Variants in RC3H2 observed in about 807,000 individuals in gnomAD.
RC3H2 encodes roquin-2.
In RC3H2, 31 loss-of-function variants were observed where a neutral mutation model predicts 133.3. The ratio of observed to expected loss-of-function variants is 0.23; its 90% CI spans 0.17 to 0.31. RC3H2 has a LOEUF of 0.31. Ranked by LOEUF, RC3H2 falls within the 10% of genes least tolerant of loss-of-function variation. The pLI, the probability that RC3H2 is intolerant of heterozygous loss-of-function variation, is 1.00. For synonymous variants in RC3H2, 517 were observed against 502.2 expected (o/e 1.03, Z -0.40); for missense variants, 1,175 against 1,437.2 (o/e 0.82, Z 2.95).
At chr9:122,857,792 A>G in intron 13 of RC3H2, 131 bp downstream of exon 13, 1 of 712,956 alleles carries the variant, frequency 1.4e-6, no homozygotes, top group East Asian at 2.7e-5. Flanking sequence ...TTCAGTGTTT[A>G]TTGAACTAAA....
At chr9:122,855,681 A>T in intron 14 of RC3H2, 51 bp downstream of exon 14, 1 of 1,562,638 alleles carries the variant, frequency 6.4e-7, no homozygotes, top group Non-Finnish European at 8.7e-7. Flanking sequence ...AACATGAGTG[A>T]ACATGCATCA....
Position 122,858,863 on chromosome 9 carries a change from T to C in RC3H2, c.2089A>G (p.Ser697Gly). ...PSGMYAPVYDSRRIWRPPMYQ... is the reference protein window; with the variant it reads ...PSGMYAPVYDGRRIWRPPMYQ... ...ATAGGTGGGCGCCAGATGCGCCTGC[T>C]GTCGTACACAGGAGCATACATTCCA... Residue 697 changes from serine (S) to glycine (G), a missense_variant, in exon 12 of 21, where the codon AGC becomes GGC. Ser to Gly is a moderately conservative substitution (Grantham distance 56). This residue lies in a region of RC3H2 where 490 missense variants were observed against 492.8 expected (regional missense o/e 0.99). Coordinates refer to ENST00000357244, the MANE Select transcript of RC3H2 (RefSeq NM_001100588.3). 1.2e-6 allele frequency: 2 copies of C among 1,614,280 alleles called. No homozygotes were observed. Among genetic ancestry groups the C allele is most frequent in the Non-Finnish European group, 1.7e-6 (2 of 1,180,050 alleles).
In RC3H2 at chr9:122,846,569, A is replaced by T. The variant is rs1829872640; in HGVS notation, c.*3058T>A. The T allele has an allele frequency of 6.6e-6, 1 of 152,210 alleles. No individual in the cohort carries two copies. Among genetic ancestry groups the T allele is most frequent in the Non-Finnish European group, 1.5e-5 (1 of 68,012 alleles). 9.4% of individuals were successfully genotyped at this position (152,210 alleles called of 1,614,324 possible). A position where few individuals can be genotyped will look rare whatever the true frequency, so the allele number is the denominator to read the frequency against. ...TGCGGCACATGGATTTCAGAATGGA[A>T]CTTAGAAATTAAAAAACAAAAACAC... On this transcript the variant is annotated 3_prime_UTR_variant, in exon 21 of 21. Coordinates refer to ENST00000357244, the MANE Select transcript of RC3H2 (RefSeq NM_001100588.3).
intron 3 of RC3H2, among the ~76,000 whole-genome samples, chr9:122,891,755 AC>A (rs1832186018): frequency 6.6e-6 from 1 of 152,244 alleles, no homozygotes; most frequent in Non-Finnish European, 1.5e-5. Flanking sequence ...ATGGCCACAT[AC>A]ACAACAGTGC....
intron 1 of RC3H2, among the ~76,000 whole-genome samples, chr9:122,900,182 A>C (rs1484879794): frequency 6.6e-6 from 1 of 152,204 alleles, no homozygotes; most frequent in Non-Finnish European, 1.5e-5. Context: ...TAACATAATT[A>C]ATACTGAGAA....
intron 4 of RC3H2, among the ~76,000 whole-genome samples, chr9:122,885,230 C>T (rs1055256101): frequency 6.6e-6 from 1 of 152,110 alleles, no homozygotes; most frequent in Non-Finnish European, 1.5e-5. Flanking sequence ...AAGCAACCTA[C>T]TCTCAAATGG....
chr9:122,874,486 T>G (rs1831247697), intron 9 of RC3H2: 1 of 151,722 alleles, frequency 6.6e-6, no homozygotes, highest in South Asian at 2.1e-4. Context: ...TTTGAATGAG[T>G]GATATTTTAT....
At position 122,868,179 on chromosome 9, in the gene RC3H2, C is replaced by T. The variant is rs62580917; in HGVS notation, c.1326-2522G>A. ...CGGGGATGTGAGGGGCGCCTCTGCC[C>T]GGCCGCCCCTACTGGGAAGTGAGGA... On this transcript the variant is annotated intron_variant, in intron 9 of 20. Coordinates refer to ENST00000357244, the MANE Select transcript of RC3H2 (RefSeq NM_001100588.3). Among the ~76,000 whole-genome samples the T allele has an allele frequency of 5.9e-5, 9 of 151,542 alleles. No individual in the cohort carries two copies. The South Asian group carries it at 6.3e-4, about 11-fold the overall frequency.
rs1461495729 is a variant in RC3H2, at chr9:122,875,145, A to T, written c.1325+2326T>A. On this transcript the variant is annotated intron_variant, in intron 9 of 20. Coordinates refer to ENST00000357244, the MANE Select transcript of RC3H2 (RefSeq NM_001100588.3). The stretch of plus-strand genomic sequence containing the variant: ...ATATAGAACTAGTTCGATTGGGTAC[A>T]AACAGCATCTTTTTTCCTTAGGACT... The T allele has an allele frequency of 5.9e-6, 9 of 1,532,998 alleles. No individual in the cohort carries two copies. In the South Asian group the frequency reaches 7.3e-5, roughly 12 times the overall value. 95.0% of individuals were successfully genotyped at this position (1,532,998 alleles called of 1,614,324 possible).
Position 122,897,442 on chromosome 9 carries a change from T to G in RC3H2, c.68A>C (p.Glu23Ala), listed in dbSNP as rs779484116. 10 of 1,614,098 alleles carry G rather than the reference T, an allele frequency of 6.2e-6. No individual in the cohort carries two copies. The highest frequency in any genetic ancestry group is 8.5e-6 in the Non-Finnish European group (10 of 1,180,046). The part of the protein sequence containing the change: ...SCPICYNEFD[E>A]NVHKPISLGC... Reference sequence around the variant, plus strand: ...TAAACTGATGGGTTTGTGCACATTCTCATCAAATTCATTATAGCAGATTGG... The same window carrying G: ...TAAACTGATGGGTTTGTGCACATTCGCATCAAATTCATTATAGCAGATTGG... The change falls in exon 2 of 21, where the codon GAG (glutamate) becomes GCG (alanine). Residue 23 changes from glutamate (E) to alanine (A), a missense_variant. This residue lies in a region of RC3H2 where 41 missense variants were observed against 88.0 expected (regional missense o/e 0.47). Coordinates refer to ENST00000357244, the MANE Select transcript of RC3H2 (RefSeq NM_001100588.3).
At chr9:122,852,287 G>A (rs1830061913) in intron 18 of RC3H2, among the ~76,000 whole-genome samples, 1 of 150,808 alleles carries the variant, frequency 6.6e-6, no homozygotes. Context: ...GAAGTGAGGA[G>A]CCTCTCCGCC....
At position 122,883,351 on chromosome 9, in the gene RC3H2, C is replaced by T; in HGVS notation, c.612G>A (p.Val204=). The T allele has an allele frequency of 6.2e-7, 1 of 1,609,622 alleles. No homozygotes were observed. Among genetic ancestry groups the T allele is most frequent in the Non-Finnish European group, 8.5e-7 (1 of 1,178,592 alleles). ...CAGAACCATCTTCTAATGCCAGTAA[C>T]ACCAGCTTCAAGGCCTCTTCTTGCA... ...PAMQEEALKL[V]LLALEDGSAL... Residue 204 remains valine, a synonymous_variant, in exon 5 of 21, where the codon GTG becomes GTA. Transcript: ENST00000357244.
intron 2 of RC3H2, among the ~76,000 whole-genome samples, chr9:122,896,868 C>CA (rs955535608): frequency 2.7e-5 from 4 of 150,766 alleles, no homozygotes; most frequent in African/African-American, 4.9e-5. Flanking sequence ...ACTAAAAATA[C>CA]AAAAAAAATT....
intron 9 of RC3H2, chr9:122,874,202 A>G (rs1490388350): frequency 6.6e-6 from 1 of 152,244 alleles, no homozygotes; most frequent in African/African-American, 2.4e-5. Flanking sequence ...ATAGTAATCA[A>G]CAGTGATTAA....
At chr9:122,853,204 A>C (rs1006200672) in intron 18 of RC3H2, among the ~76,000 whole-genome samples, 16 of 151,652 alleles carry the variant, frequency 1.1e-4, no homozygotes, top group Non-Finnish European at 2.2e-4. Flanking sequence ...AAGAGTCATC[A>C]CCACTCCCTA....
chr9:122,877,403 G>A (rs1362040371), intron 9 of RC3H2, 68 bp downstream of exon 9: 4 of 1,222,324 alleles, frequency 3.3e-6, no homozygotes, highest in Non-Finnish European at 4.8e-6. Flanking sequence ...CAAACTTCAG[G>A]ACTGTATATA....
chr9:122,874,056 C>T (rs971225331), intron 9 of RC3H2: 3 of 151,862 alleles, frequency 2.0e-5, no homozygotes, highest in Non-Finnish European at 4.4e-5. Flanking sequence ...ATTAACACTG[C>T]CTAGGGAAGT....
At chr9:122,871,739 T>C (rs1348430955) in intron 9 of RC3H2, among the ~76,000 whole-genome samples, 2 of 152,126 alleles carry the variant, frequency 1.3e-5, no homozygotes, top group Non-Finnish European at 2.9e-5. Context: ...CATTACAAGA[T>C]ATTATGCTAT....
At chr9:122,883,421 A>G in intron 4 of RC3H2, 42 bp from the exon 5 acceptor site, 1 of 1,506,400 alleles carries the variant, frequency 6.6e-7, no homozygotes, top group South Asian at 1.3e-5. Context: ...CAAATGAGGA[A>G]CCCATCAGAT....
Sources: allele counts gnomAD v4.1 joint callset (sites outside exome capture counted in the v4.1 genomes callset), GRCh38; gene constraint gnomAD v4.1.1; regional missense constraint gnomAD v4.1.1; transcripts MANE v1.5; gene names NCBI Gene and HGNC (gene_info 2026-07-23, HGNC 2026-07-21).